TMCC1: variants seen among roughly 807,000 people sequenced by gnomAD.
The protein encoded by TMCC1 is transmembrane and coiled-coil domain family 1.
A neutral mutation model predicts 52.4 loss-of-function variants in TMCC1; 15 were observed. That is an observed-to-expected ratio of 0.29 (90% CI 0.19 to 0.44). The LOEUF (loss-of-function observed/expected upper bound fraction) is 0.44, where lower values mean the gene tolerates loss of function less well. Ranked by LOEUF, TMCC1 falls within the 20% of genes least tolerant of loss-of-function variation. The probability of loss-of-function intolerance (pLI) is 1.00; values close to 1 mark genes in which losing one functional copy is unlikely to be tolerated. For missense variants in TMCC1, 503 were observed against 806.0 expected (o/e 0.62, Z 4.55); for synonymous variants, 279 against 301.9 (o/e 0.92, Z 0.79).
intron 4 of TMCC1, among the ~76,000 whole-genome samples, chr3:129,793,943 C>T (rs760806057): frequency 6.6e-6 from 1 of 152,188 alleles, no homozygotes; most frequent in Non-Finnish European, 1.5e-5. Context: ...TATGAAAGCA[C>T]TGATTCCACA....
At chr3:129,659,861 C>A (rs1466353297) in intron 5 of TMCC1, among the ~76,000 whole-genome samples, 2 of 152,178 alleles carry the variant, frequency 1.3e-5, no homozygotes, top group Non-Finnish European at 2.9e-5. Context: ...AACTCGCTAG[C>A]TTGGGTGATC....
At chr3:129,857,844 T>TGA (rs1315010788) in intron 2 of TMCC1, among the ~76,000 whole-genome samples, 1 of 152,230 alleles carries the variant, frequency 6.6e-6, no homozygotes, top group East Asian at 1.9e-4. Context: ...ATTACAGGCG[T>TGA]GAGCCACTGC....
At chr3:129,739,982 T>A (rs948518945) in intron 4 of TMCC1, among the ~76,000 whole-genome samples, 2 of 152,264 alleles carry the variant, frequency 1.3e-5, no homozygotes, top group African/African-American at 4.8e-5. Context: ...AGCACTTACG[T>A]GCAAGGTTAG....
intron 4 of TMCC1, among the ~76,000 whole-genome samples, chr3:129,804,640 T>C (rs948035309): frequency 3.3e-5 from 5 of 152,216 alleles, no homozygotes; most frequent in African/African-American, 1.2e-4. Flanking sequence ...TACAGGTCCA[T>C]AGCTTGTCAG....
chr3:129,877,382 A>G (rs2061265860), intron 2 of TMCC1, among the ~76,000 whole-genome samples: 1 of 152,172 alleles, frequency 6.6e-6, no homozygotes, highest in African/African-American at 2.4e-5. Context: ...TTAACTCTCC[A>G]GCCACTGCTA....
chr3:129,681,194 T>C lies in TMCC1; in HGVS notation c.577-9930A>G, dbSNP rs954667399. Among the ~76,000 whole-genome samples, 3 of 152,210 alleles carry C rather than the reference T, an allele frequency of 2.0e-5. No homozygotes were observed. In the South Asian group the frequency reaches 6.2e-4, roughly 32 times the overall value. Reference sequence around the variant, plus strand: ...GAAAAAAGAAATACCTGGTTTGAGATGGGGTGACTAAGAAGTTTTACAAAG... The same window carrying C: ...GAAAAAAGAAATACCTGGTTTGAGACGGGGTGACTAAGAAGTTTTACAAAG... On this transcript the variant is annotated intron_variant, in intron 4 of 6. Coordinates refer to ENST00000393238, the MANE Select transcript of TMCC1 (RefSeq NM_001017395.5).
chr3:129,721,635 C>A (rs1354874472), intron 4 of TMCC1, among the ~76,000 whole-genome samples: 1 of 148,070 alleles, frequency 6.8e-6, no homozygotes, highest in Non-Finnish European at 1.5e-5. Context: ...CCGAGGCAGG[C>A]AGATCACGAG....
At chr3:129,773,669 G>A (rs1042455591) in intron 4 of TMCC1, among the ~76,000 whole-genome samples, 1 of 152,186 alleles carries the variant, frequency 6.6e-6, no homozygotes, top group Non-Finnish European at 1.5e-5. Context: ...TACCGGCTGG[G>A]CGAGGTGGCT....
At position 129,651,947 on chromosome 3, in the gene TMCC1, A is replaced by G; in HGVS notation, c.1648-152T>C. The G allele has an allele frequency of 2.2e-6, 2 of 899,346 alleles. No homozygotes were observed. The highest frequency in any genetic ancestry group is 2.9e-5 in the Admixed American group (1 of 34,190). 55.7% of individuals were successfully genotyped at this position (899,346 alleles called of 1,614,324 possible). On this transcript the variant is annotated intron_variant, in intron 6 of 6. Coordinates refer to ENST00000393238, the MANE Select transcript of TMCC1 (RefSeq NM_001017395.5). This position sits in a 1 kb window ranked among gnomAD's most constrained non-coding sequence, Gnocchi z 5.1. ...TGAATGAATGTAAAAGGCTAGATGT[A>G]TAACTCACTATTCAAGTGATTATTA...
At chr3:129,887,662 T>C (rs2061778353) in intron 1 of TMCC1, among the ~76,000 whole-genome samples, 1 of 151,986 alleles carries the variant, frequency 6.6e-6, no homozygotes, top group African/African-American at 2.4e-5. Context: ...CAAAAACACT[T>C]TTTAAAATAT....
At chr3:129,678,289 C>G (rs1255715247) in intron 4 of TMCC1, among the ~76,000 whole-genome samples, 1 of 151,286 alleles carries the variant, frequency 6.6e-6, no homozygotes, top group Non-Finnish European at 1.5e-5. Flanking sequence ...ATCATAGTTG[C>G]TAATACATAT....
intron 4 of TMCC1, chr3:129,819,784 C>CTTCA (rs925386496): frequency 3.3e-5 from 5 of 152,048 alleles, no homozygotes; most frequent in African/African-American, 1.2e-4. Context: ...CCGGGGCTTG[C>CTTCA]TTCAGCAACC....
intron 2 of TMCC1, among the ~76,000 whole-genome samples, chr3:129,876,286 C>CA (rs61167884): frequency 0.051 from 4,609 of 90,336 alleles, 238 homozygotes; most frequent in African/African-American, 0.11. Flanking sequence ...ATGCCTGGCT[C>CA]AAAAAAAAAA....
intron 2 of TMCC1, among the ~76,000 whole-genome samples, chr3:129,868,155 C>A (rs1448131961): frequency 6.6e-6 from 1 of 151,956 alleles, no homozygotes; most frequent in Non-Finnish European, 1.5e-5. Context: ...ACCATACAAG[C>A]AGGAAAGAAT....
intron 4 of TMCC1, among the ~76,000 whole-genome samples, chr3:129,826,758 A>G (rs1016817017): frequency 4.6e-5 from 7 of 152,144 alleles, no homozygotes; most frequent in Non-Finnish European, 8.8e-5. Flanking sequence ...CTCAGTATTT[A>G]TATTTCCAGG....
intron 3 of TMCC1, among the ~76,000 whole-genome samples, chr3:129,831,662 C>T (rs531105279): frequency 6.6e-6 from 1 of 152,260 alleles, no homozygotes; most frequent in South Asian, 2.1e-4. Context: ...AAGTCAAATG[C>T]TGTGGCAAAA....
At chr3:129,842,205 G>A (rs558239665) in intron 2 of TMCC1, among the ~76,000 whole-genome samples, 6 of 152,206 alleles carry the variant, frequency 3.9e-5, no homozygotes, top group South Asian at 2.1e-4. Flanking sequence ...GTGGCTCACC[G>A]TGGTAATCTC....
intron 4 of TMCC1, among the ~76,000 whole-genome samples, chr3:129,739,943 G>C (rs924713817): frequency 6.6e-6 from 1 of 152,204 alleles, no homozygotes; most frequent in African/African-American, 2.4e-5. Context: ...TCCCTCTTTT[G>C]CTATTCCTCG....
intron 5 of TMCC1, among the ~76,000 whole-genome samples, chr3:129,661,662 G>T (rs2087036560): frequency 6.6e-6 from 1 of 152,100 alleles, no homozygotes; most frequent in Non-Finnish European, 1.5e-5. Context: ...AATCAGGTTG[G>T]TGTGGTGGCA....
Sources: allele counts gnomAD v4.1 joint callset (sites outside exome capture counted in the v4.1 genomes callset), GRCh38; gene constraint gnomAD v4.1.1; non-coding constraint Gnocchi (gnomAD v3.1); transcripts MANE v1.5; gene names NCBI Gene and HGNC (gene_info 2026-07-23, HGNC 2026-07-21).